Variants in LAMA3 observed in about 807,000 individuals in gnomAD.
LAMA3 encodes the protein laminin subunit alpha-3.
Under a neutral mutation model 402.0 loss-of-function variants are expected in LAMA3, and 281 were observed. The ratio of observed to expected loss-of-function variants is 0.70; its 90% confidence interval spans 0.63 to 0.77. LAMA3 has a LOEUF of 0.77. LAMA3 is among the 30% of genes least tolerant of loss of function. LAMA3 has a pLI of 0.00. For missense variants in LAMA3, 3,840 were observed against 4,215.5 expected (o/e 0.91, Z 2.47); for synonymous variants, 1,431 against 1,558.4 (o/e 0.92, Z 1.93).
intron 1 of LAMA3, among the ~76,000 whole-genome samples, chr18:23,701,192 C>T (rs1232377662): frequency 6.6e-6 from 1 of 152,102 alleles, no homozygotes; most frequent in African/African-American, 2.4e-5. Context: ...AAAAGAATAA[C>T]TCTCACTTCC....
At chr18:23,834,331 T>C (rs1425287911) in intron 24 of LAMA3, 1 of 345,244 alleles carries the variant, frequency 2.9e-6, no homozygotes, top group African/African-American at 2.1e-5. Context: ...CTGTGTCAAG[T>C]ACCTGGGTGC....
At chr18:23,857,504 G>A (rs11878083) in intron 32 of LAMA3, among the ~76,000 whole-genome samples, 18,240 of 152,228 alleles carry the variant, frequency 0.12, 2,464 homozygotes, top group African/African-American at 0.32. Flanking sequence ...CTGAACCTCA[G>A]TTAGATTCTG....
At chr18:23,701,737 G>A (rs1291028917) in intron 1 of LAMA3, among the ~76,000 whole-genome samples, 1 of 152,176 alleles carries the variant, frequency 6.6e-6, no homozygotes, top group African/African-American at 2.4e-5. Flanking sequence ...GCGGGTAGGG[G>A]AATAGACACG....
intron 68 of LAMA3, among the ~76,000 whole-genome samples, chr18:23,942,949 G>T (rs1251188409): frequency 6.6e-6 from 1 of 152,132 alleles, no homozygotes; most frequent in Non-Finnish European, 1.5e-5. Context: ...TTCACAGGGA[G>T]GGTATTAGGG....
At chr18:23,693,344 A>G (rs1264992794) in intron 1 of LAMA3, among the ~76,000 whole-genome samples, 1 of 152,092 alleles carries the variant, frequency 6.6e-6, no homozygotes, top group East Asian at 1.9e-4. Context: ...AAACAACCCA[A>G]AAATACAATA....
At chr18:23,826,508 A>G (rs1444701760) in intron 21 of LAMA3, among the ~76,000 whole-genome samples, 194 bp from the exon 22 acceptor site, 3 of 152,226 alleles carry the variant, frequency 2.0e-5, no homozygotes, top group Admixed American at 6.5e-5. Context: ...TCTCTCTGAT[A>G]CATAAAGAAT....
At chr18:23,942,829 C>T (rs986074972) in intron 68 of LAMA3, among the ~76,000 whole-genome samples, 2 of 152,096 alleles carry the variant, frequency 1.3e-5, no homozygotes, top group Non-Finnish European at 1.5e-5. Context: ...CCACCCACCT[C>T]GGCCTCCCAA....
At chr18:23,730,418 G>A (rs986537226) in intron 2 of LAMA3, among the ~76,000 whole-genome samples, 6 of 145,310 alleles carry the variant, frequency 4.1e-5, no homozygotes, top group Non-Finnish European at 7.5e-5. Flanking sequence ...ATCCAGGCTG[G>A]AGTGCAATGT....
intron 59 of LAMA3, among the ~76,000 whole-genome samples, chr18:23,916,282 C>T (rs1276744037): frequency 1.3e-5 from 2 of 152,126 alleles, no homozygotes; most frequent in Admixed American, 6.5e-5. Context: ...TGGCAGACCA[C>T]ATCTTCCTAA....
At position 23,949,861 on chromosome 18, in the gene LAMA3, T is replaced by G; in HGVS notation, c.9448T>G (p.Cys3150Gly). Residue 3150 changes from cysteine to glycine, a missense_variant, in exon 71 of 75, where the codon TGC (cysteine) becomes GGC (glycine). Coordinates refer to ENST00000313654, the MANE Select transcript of LAMA3 (RefSeq NM_198129.4). ...TPSSSFGVSS[C>G]LGGPLEKGIY... ...TTCTTCAAGCTTCGGGGTGTCTTCCTGCTTGGGTGGTCCTTTGGAGAAAGG... is the reference window on the plus strand; with the variant it reads ...TTCTTCAAGCTTCGGGGTGTCTTCCGGCTTGGGTGGTCCTTTGGAGAAAGG... 6.2e-7 allele frequency: 1 copy of G among 1,614,104 alleles called. No individual in the cohort carries two copies. Among genetic ancestry groups the G allele is most frequent in the Non-Finnish European group, 8.5e-7 (1 of 1,180,010 alleles).
Position 23,932,223 on chromosome 18 carries a change from T to C in LAMA3, c.8640T>C (p.Ser2880=). The part of the protein sequence containing the change: ...RNSKRLKHIS[S]SRQSLRLGGS... ...GCAAAAGGCTAAAACACATTTCAAG[T>C]TCCCGGCAGTCTCTGCGTCTGGGCG... The change falls in exon 66 of 75, where the codon AGT becomes AGC. Residue 2880 remains serine, a synonymous_variant. Transcript: ENST00000313654. 1 of 1,614,140 alleles carries C rather than the reference T, an allele frequency of 6.2e-7. No individual in the cohort carries two copies. Among genetic ancestry groups the C allele is most frequent in the South Asian group, 1.1e-5 (1 of 91,084 alleles).
intron 2 of LAMA3, among the ~76,000 whole-genome samples, chr18:23,718,100 G>A (rs957659919): frequency 6.6e-6 from 1 of 152,164 alleles, no homozygotes; most frequent in African/African-American, 2.4e-5. Flanking sequence ...TAGATGTCCA[G>A]TTTTTAAAAG....
At chr18:23,849,607 G>A (rs8086359) in intron 32 of LAMA3, among the ~76,000 whole-genome samples, 121,337 of 152,214 alleles carry the variant, frequency 0.8, 49,119 homozygotes, top group African/African-American at 0.95. Context: ...GCACCAGAAG[G>A]TGATGGATGG....
chr18:23,855,429 G>C (rs1365577485), intron 32 of LAMA3, among the ~76,000 whole-genome samples: 1 of 151,994 alleles, frequency 6.6e-6, no homozygotes, highest in Admixed American at 6.5e-5. Flanking sequence ...TCTTCTTTCC[G>C]GTCTCTAGAC....
intron 73 of LAMA3, among the ~76,000 whole-genome samples, chr18:23,952,514 A>G (rs1256302682): frequency 6.6e-6 from 1 of 152,242 alleles, no homozygotes; most frequent in Non-Finnish European, 1.5e-5. Flanking sequence ...GGCTAATTTA[A>G]AAGATAACTA....
At position 23,896,411 on chromosome 18, in the gene LAMA3, CA is replaced by C. The variant is rs2080874476; in HGVS notation, c.5613+1354del. On this transcript the variant is annotated intron_variant, in intron 44 of 74. Coordinates refer to ENST00000313654, the MANE Select transcript of LAMA3 (RefSeq NM_198129.4). ...TTAATATCCAAATTGGGGGATTTTC[CA>C]GATAACTTTGTGTTACTGGTTTCTA... Among the ~76,000 whole-genome samples, 4 of 152,256 alleles carry C rather than the reference CA, an allele frequency of 2.6e-5. No homozygotes were observed. In the South Asian group the frequency reaches 8.3e-4, roughly 32 times the overall value.
At position 23,824,484 on chromosome 18, in the gene LAMA3, C is replaced by G; in HGVS notation, c.2490C>G (p.Val830=). 1 of 1,614,084 alleles carries G rather than the reference C, an allele frequency of 6.2e-7. No homozygotes were observed. The highest frequency in any genetic ancestry group is 8.5e-7 in the Non-Finnish European group (1 of 1,179,966). Residue 830 remains valine, a synonymous_variant, in exon 21 of 75, where the codon GTC becomes GTG. Coordinates refer to ENST00000313654, the MANE Select transcript of LAMA3 (RefSeq NM_198129.4). ...GTAAGGAGCCAGCCTTTGTCACTGT[C>G]CCTGGAAATGGTTTTGCAGACCCAT... The part of the protein sequence containing the change: ...LPSKEPAFVT[V]PGNGFADPFS...
At chr18:23,773,234 C>T (rs2062239687) in intron 8 of LAMA3, among the ~76,000 whole-genome samples, 2 of 152,214 alleles carry the variant, frequency 1.3e-5, no homozygotes, top group African/African-American at 4.8e-5. Flanking sequence ...ATTCTTCGAT[C>T]AAGGATAAAG....
At chr18:23,853,309 T>C (rs560583514) in intron 32 of LAMA3, among the ~76,000 whole-genome samples, 9 of 152,332 alleles carry the variant, frequency 5.9e-5, no homozygotes, top group Middle Eastern at 3.4e-3. Flanking sequence ...GTTTCACTCT[T>C]GTTGCCCAGG....
Sources: gnomAD v4.1 joint callset for allele counts (sites outside exome capture counted in the v4.1 genomes callset) on GRCh38, gnomAD v4.1.1 for gene constraint, MANE v1.5 for transcripts, NCBI Gene and HGNC (gene_info 2026-07-23, HGNC 2026-07-21) for gene names.